Variants in NEDD4L observed in about 807,000 individuals in gnomAD.
The protein encoded by NEDD4L is E3 ubiquitin-protein ligase NEDD4-like.
A neutral mutation model predicts 148.9 loss-of-function variants in NEDD4L; 54 were observed. The observed-to-expected ratio is 0.36, with a 90% CI of 0.29 to 0.45. The LOEUF is 0.45. Ranked by LOEUF, NEDD4L falls within the 20% of genes least tolerant of loss-of-function variation. NEDD4L has a pLI of 1.00. For synonymous variants in NEDD4L, 433 were observed against 440.7 expected (o/e 0.98, Z 0.22); for missense variants, 856 against 1,233.8 (o/e 0.69, Z 4.59).
chr18:58,382,769 C>A (rs1202709391), intron 24 of NEDD4L, among the ~76,000 whole-genome samples: 1 of 152,196 alleles, frequency 6.6e-6, no homozygotes, highest in Non-Finnish European at 1.5e-5. Context: ...TCTCTTCAGC[C>A]TGGATCCTTA....
In NEDD4L at chr18:58,312,905, C is replaced by A. The variant is rs543192941; in HGVS notation, c.298-3077C>A. Among the ~76,000 whole-genome samples, 8 of 152,358 alleles carry A rather than the reference C, an allele frequency of 5.3e-5. No individual in the cohort carries two copies. The South Asian group carries it at 1.2e-3, about 24-fold the overall frequency. ...ATATTGGCCGGGGTGATCTCGAACT[C>A]CTGACCTCAAGTGATCTGCCCGCCT... On this transcript the variant is annotated intron_variant, in intron 5 of 30. Transcript: ENST00000400345.
In NEDD4L at chr18:58,165,789, G is replaced by C. The variant is rs769255133; in HGVS notation, c.50G>C (p.Gly17Ala). The change falls in exon 2 of 31, where the codon GGA (glycine) becomes GCA (alanine). Residue 17 changes from glycine to alanine, a missense_variant and splice_region_variant. By Grantham distance (60) the Gly-to-Ala change is moderately conservative. Transcript: ENST00000400345. ...EPVYGLSEDE[G>A]ESRILRVKVV... ...CTTTTTTTGTTCTCCTTCTCACAGG[G>C]AGAGTCCCGTATTCTCAGAGTAAAA... The C allele has an allele frequency of 6.2e-7, 1 of 1,609,928 alleles. No homozygotes were observed. The highest frequency in any genetic ancestry group is 1.1e-5 in the South Asian group (1 of 89,994).
chr18:58,159,137 G>C (rs2035877651), intron 1 of NEDD4L, among the ~76,000 whole-genome samples: 1 of 152,022 alleles, frequency 6.6e-6, no homozygotes, highest in African/African-American at 2.4e-5. Context: ...GTGTGGGGAG[G>C]GAGAAAGTCA....
At chr18:58,180,759 TC>T in intron 2 of NEDD4L, among the ~76,000 whole-genome samples, 1 of 152,328 alleles carries the variant, frequency 6.6e-6, no homozygotes, top group South Asian at 2.1e-4. Flanking sequence ...TGCTTTTCTG[TC>T]CTCCCTACAT....
chr18:58,340,945 G>A, intron 13 of NEDD4L, 93 bp from the exon 14 acceptor site: 1 of 1,312,256 alleles, frequency 7.6e-7, no homozygotes, highest in Non-Finnish European at 1.0e-6. Flanking sequence ...ACTTTGTCTA[G>A]AGAAAATAAT....
At chr18:58,110,989 A>G (rs1278941402) in intron 1 of NEDD4L, among the ~76,000 whole-genome samples, 1 of 152,232 alleles carries the variant, frequency 6.6e-6, no homozygotes, top group Non-Finnish European at 1.5e-5. Flanking sequence ...CATACCTTAC[A>G]ATTCACCCAT....
At chr18:58,328,837 A>G (rs78911906) in intron 9 of NEDD4L, among the ~76,000 whole-genome samples, 158 bp from the exon 10 acceptor site, 12 of 152,378 alleles carry the variant, frequency 7.9e-5, no homozygotes, top group South Asian at 4.1e-4. Flanking sequence ...TAGCCGTAAT[A>G]TGGTGGGAGA....
chr18:58,272,136 T>C (rs1260547699), intron 5 of NEDD4L, among the ~76,000 whole-genome samples: 1 of 152,206 alleles, frequency 6.6e-6, no homozygotes, highest in African/African-American at 2.4e-5. Context: ...TGTTATTATA[T>C]AAGATCATGG....
chr18:58,133,069 CT>C (rs2032377511), intron 1 of NEDD4L, among the ~76,000 whole-genome samples: 1 of 152,204 alleles, frequency 6.6e-6, no homozygotes, highest in Non-Finnish European at 1.5e-5. Flanking sequence ...CTCGTCTTCT[CT>C]TACTTGCCTG....
chr18:58,334,416 C>G (rs112299594), intron 12 of NEDD4L, among the ~76,000 whole-genome samples: 25 of 152,284 alleles, frequency 1.6e-4, no homozygotes, highest in African/African-American at 6.0e-4. Flanking sequence ...TAATAGCTAT[C>G]AGCAAATGTA....
chr18:58,113,573 G>A (rs2085549626), intron 1 of NEDD4L, among the ~76,000 whole-genome samples: 3 of 152,142 alleles, frequency 2.0e-5, no homozygotes, highest in Admixed American at 1.3e-4. Flanking sequence ...CCCAGGCAGG[G>A]ACACTCTGGC....
chr18:58,120,795 AG>A (rs887936480), intron 1 of NEDD4L, among the ~76,000 whole-genome samples: 1 of 152,168 alleles, frequency 6.6e-6, no homozygotes, highest in Non-Finnish European at 1.5e-5. Context: ...AAAGAAAAAA[AG>A]TCCCTTTCTA....
intron 1 of NEDD4L, among the ~76,000 whole-genome samples, chr18:58,048,773 TA>T (rs1555675351): frequency 2.0e-5 from 3 of 152,230 alleles, no homozygotes; most frequent in Non-Finnish European, 4.4e-5. Context: ...GGCCACATTC[TA>T]ACCTAGTTAC....
At chr18:58,152,373 G>A (rs1022325197) in intron 1 of NEDD4L, among the ~76,000 whole-genome samples, 3 of 152,158 alleles carry the variant, frequency 2.0e-5, no homozygotes, top group African/African-American at 7.2e-5. Flanking sequence ...AAGCTGGGGA[G>A]GAAAGGGGTT....
At chr18:58,092,352 G>C (rs1211356697) in intron 1 of NEDD4L, among the ~76,000 whole-genome samples, 3 of 152,158 alleles carry the variant, frequency 2.0e-5, no homozygotes, top group Non-Finnish European at 4.4e-5. Context: ...TTGGGGTGGG[G>C]GATTGTGTGT....
At chr18:58,211,827 A>G (rs1458483981) in intron 2 of NEDD4L, among the ~76,000 whole-genome samples, 3 of 152,228 alleles carry the variant, frequency 2.0e-5, no homozygotes, top group Non-Finnish European at 4.4e-5. Flanking sequence ...AGAATCTAGG[A>G]CTGTGTCTCA....
At chr18:58,118,530 T>C (rs2086008831) in intron 1 of NEDD4L, among the ~76,000 whole-genome samples, 1 of 152,236 alleles carries the variant, frequency 6.6e-6, no homozygotes, top group African/African-American at 2.4e-5. Context: ...CGCTGCTGCT[T>C]TTCAGTGCTC....
At position 58,367,787 on chromosome 18, in the gene NEDD4L, G is replaced by C; in HGVS notation, c.2105G>C (p.Cys702Ser). ...TLQINPNSGL[C>S]NEDHLSYFTF... ...CAGATCAACCCTAATTCAGGCCTCT[G>C]TAATGAGGATCATTTGTCCTACTTC... is the stretch of plus-strand genomic sequence containing the variant. Residue 702 changes from cysteine to serine, a missense_variant, in exon 22 of 31, where the codon TGT (cysteine) becomes TCT (serine). Cys to Ser is a moderately radical substitution (Grantham distance 112). Transcript: ENST00000400345. The C allele has an allele frequency of 6.2e-7, 1 of 1,613,572 alleles. No individual in the cohort carries two copies. Among genetic ancestry groups the C allele is most frequent in the Non-Finnish European group, 8.5e-7 (1 of 1,179,500 alleles).
intron 6 of NEDD4L, among the ~76,000 whole-genome samples, chr18:58,320,386 T>A (rs2058673143): frequency 6.6e-6 from 1 of 152,222 alleles, no homozygotes; most frequent in Non-Finnish European, 1.5e-5. Flanking sequence ...GTAACCTCTC[T>A]GTGTCAGTGA....
Sources: allele counts gnomAD v4.1 joint callset (sites outside exome capture counted in the v4.1 genomes callset), GRCh38; gene constraint gnomAD v4.1.1; transcripts MANE v1.5; gene names NCBI Gene and HGNC (gene_info 2026-07-23, HGNC 2026-07-21).